Variants in ENTPD5 observed in about 807,000 individuals in gnomAD.
ENTPD5 encodes the protein nucleoside diphosphate phosphatase ENTPD5.
In ENTPD5, 49 loss-of-function variants were observed where a neutral mutation model predicts 60.2. The observed-to-expected ratio is 0.81, with a 90% CI of 0.65 to 1.03. ENTPD5 has a LOEUF of 1.03. Among genes scored for constraint, ENTPD5 ranks in the 50% least tolerant of loss-of-function variants. The probability of loss-of-function intolerance (pLI) is 0.00; values close to 1 mark genes in which losing one functional copy is unlikely to be tolerated. For synonymous variants in ENTPD5, 187 were observed against 185.4 expected, an observed-to-expected ratio of 1.01 and a Z score of -0.07; for missense variants, 480 against 507.6, an observed-to-expected ratio of 0.95 and a Z score of 0.52.
intron 6 of ENTPD5, among the ~76,000 whole-genome samples, chr14:73,981,757 A>AG (rs1175769642): frequency 6.6e-6 from 1 of 151,942 alleles, no homozygotes; most frequent in Non-Finnish European, 1.5e-5. Context: ...CAGTGAGCCA[A>AG]GATCGTGCCA....
At chr14:74,002,684 G>A (rs1298883810) in intron 3 of ENTPD5, among the ~76,000 whole-genome samples, 1 of 152,120 alleles carries the variant, frequency 6.6e-6, no homozygotes, top group Non-Finnish European at 1.5e-5. Flanking sequence ...TCTTTCATGT[G>A]ATTTGCTAAT....
At chr14:73,987,759 G>A (rs989723533) in intron 4 of ENTPD5, 127 bp downstream of exon 4, 3 of 743,286 alleles carry the variant, frequency 4.0e-6, no homozygotes, top group Non-Finnish European at 4.3e-6. Context: ...AAAGTTCTCT[G>A]AAGAAAGACA....
intron 3 of ENTPD5, among the ~76,000 whole-genome samples, chr14:73,994,460 G>C (rs1028427980): frequency 1.3e-5 from 2 of 151,820 alleles, no homozygotes; most frequent in Non-Finnish European, 2.9e-5. Context: ...AATGTGCCAG[G>C]TGCAGTGGCT....
At chr14:73,975,072 G>T in intron 10 of ENTPD5, 87 bp from the exon 11 acceptor site, 1 of 1,022,080 alleles carries the variant, frequency 9.8e-7, no homozygotes, top group Non-Finnish European at 1.5e-6. Context: ...CATTGTTCCT[G>T]TGTCCCTCTG....
intron 3 of ENTPD5, among the ~76,000 whole-genome samples, chr14:73,993,269 T>C (rs552418144): frequency 6.4e-4 from 97 of 152,134 alleles, no homozygotes; most frequent in Non-Finnish European, 1.3e-3. Context: ...TCCCGGGAAG[T>C]TGAGGTTCAG....
At chr14:73,989,877 G>C (rs1414624764) in intron 3 of ENTPD5, among the ~76,000 whole-genome samples, 1 of 148,834 alleles carries the variant, frequency 6.7e-6, no homozygotes, top group Non-Finnish European at 1.5e-5. Flanking sequence ...CTTGGTGGCA[G>C]GTGCCTGTAA....
At chr14:74,014,112 G>A (rs1334281400) in intron 2 of ENTPD5, among the ~76,000 whole-genome samples, 1 of 152,000 alleles carries the variant, frequency 6.6e-6, no homozygotes, top group Admixed American at 6.6e-5. Context: ...TAATAAAAAT[G>A]GGATATTTTG....
rs754787824 is a variant in ENTPD5 at position 73,986,849 on chromosome 14, G to C, written c.262C>G (p.Pro88Ala). The change falls in exon 5 of 16, where the codon CCA becomes GCA. Residue 88 changes from proline to alanine, a missense_variant. Coordinates refer to ENST00000334696, the MANE Select transcript of ENTPD5 (RefSeq NM_001249.5). ...TGATCTACAAAAGCAGAAAGTCCTG[G>C]CTTCACAGAATCAAAAACTTCCCCT... is the stretch of plus-strand genomic sequence containing the variant. ...LEGEVFDSVK[P>A]GLSAFVDQPK... 5.0e-6 allele frequency: 8 copies of C among 1,613,962 alleles called. No individual in the cohort carries two copies. Among genetic ancestry groups the C allele is most frequent in the Non-Finnish European group, 6.8e-6 (8 of 1,179,982 alleles).
chr14:73,974,010 A>C (rs1220587284), intron 11 of ENTPD5, 32 bp from the exon 12 acceptor site: 1 of 1,592,534 alleles, frequency 6.3e-7, no homozygotes, highest in Non-Finnish European at 8.6e-7. Flanking sequence ...GGTAAGAGGT[A>C]AGTAAGTGAG....
At chr14:74,014,311 G>GA (rs891401497) in intron 2 of ENTPD5, among the ~76,000 whole-genome samples, 9 of 151,946 alleles carry the variant, frequency 5.9e-5, no homozygotes, top group African/African-American at 9.7e-5. Context: ...TATAATTCCA[G>GA]CACTTTGGGG....
intron 5 of ENTPD5, among the ~76,000 whole-genome samples, chr14:73,985,262 T>G (rs1353025933): frequency 1.3e-5 from 2 of 152,152 alleles, no homozygotes; most frequent in African/African-American, 4.8e-5. Context: ...TACCGAGTAA[T>G]GGGATGGCTG....
intron 15 of ENTPD5, 48 bp from the exon 16 acceptor site, chr14:73,967,062 C>CT (rs1566704554): frequency 1.7e-5 from 26 of 1,504,962 alleles, no homozygotes; most frequent in Non-Finnish European, 2.2e-5. Flanking sequence ...GTTTCCAACT[C>CT]TAGCAAGCAC....
chr14:73,972,485 T>C (rs948449956), intron 13 of ENTPD5, among the ~76,000 whole-genome samples: 1 of 152,164 alleles, frequency 6.6e-6, no homozygotes, highest in African/African-American at 2.4e-5. Context: ...TACATATACT[T>C]TCACAGTTAG....
downstream of ENTPD5, chr14:73,955,349 G>A (rs1048798647): frequency 3.2e-5 from 27 of 850,020 alleles, no homozygotes; most frequent in Middle Eastern, 4.8e-4. Flanking sequence ...GAGTATTATT[G>A]AAGAACACTG....
At chr14:73,961,940 C>T (rs1164444815), downstream of ENTPD5, 2 of 1,610,420 alleles carry the variant, frequency 1.2e-6, no homozygotes, top group Non-Finnish European at 1.7e-6. Flanking sequence ...TTGCAAACAG[C>T]TCTTAATTTC....
In ENTPD5 at chr14:73,965,342, TAAC is replaced by T. The variant is rs2056929311; in HGVS notation, c.*1583_*1585del. 6.6e-6 allele frequency: 1 copy of T among 152,100 alleles called. No homozygotes were observed. The highest frequency in any genetic ancestry group is 1.5e-5 in the Non-Finnish European group (1 of 68,038). 9.4% of individuals were successfully genotyped at this position (152,100 alleles called of 1,614,324 possible). On this transcript the variant is annotated 3_prime_UTR_variant, in exon 16 of 16. Transcript: ENST00000334696. ...ACACTCCTGCAAAGAAGCTGGAGGT[TAAC>T]AACCAAGGCAAAGGGGCCAGACCAC...
At position 74,001,561 on chromosome 14, in the gene ENTPD5, G is replaced by A. The variant is rs368571238; in HGVS notation, c.-71+9530C>T. ...CGGGCACCTGTAGTCCGAGCTACTC[G>A]GGAGGCTGAGGCAGGAGAATCGCTT... is the stretch of plus-strand genomic sequence containing the variant. On this transcript the variant is annotated intron_variant, in intron 3 of 15. Transcript: ENST00000334696. 1.8e-4 allele frequency among the ~76,000 whole-genome samples: 27 copies of A among 147,520 alleles called. 1 individual carries two copies. The highest frequency in any genetic ancestry group is 5.5e-4 in the African/African-American group (22 of 39,752).
chr14:73,962,626 A>G (rs1234735801), downstream of ENTPD5: 3 of 234,964 alleles, frequency 1.3e-5, no homozygotes, highest in East Asian at 9.5e-5. Context: ...CTGCTTGACT[A>G]GTTTCATCCC....
At chr14:73,962,903 A>G, downstream of ENTPD5, 2 of 1,307,838 alleles carry the variant, frequency 1.5e-6, no homozygotes, top group Non-Finnish European at 2.2e-6. Flanking sequence ...CGTGATTATT[A>G]TCTACAATAA....
Sources: gnomAD v4.1 joint callset for allele counts (sites outside exome capture counted in the v4.1 genomes callset) on GRCh38, gnomAD v4.1.1 for gene constraint, MANE v1.5 for transcripts, NCBI Gene and HGNC (gene_info 2026-07-23, HGNC 2026-07-21) for gene names.